The following FEZ2 variants were observed in gnomAD, a reference collection of about 807,000 sequenced individuals.
FEZ2 encodes fasciculation and elongation protein zeta-2.
FEZ2 carries 51 observed loss-of-function variants against 40.4 expected under a neutral mutation model. The observed-to-expected ratio is 1.26, with a 90% CI of 1.01 to 1.59. FEZ2 has a LOEUF of 1.59. FEZ2 is among the 40% of genes most tolerant of loss of function. The pLI is 0.00. For missense variants in FEZ2, 640 were observed against 438.3 expected (o/e 1.46, Z -4.11); for synonymous variants, 242 against 172.0 (o/e 1.41, Z -3.18).
chr2:36,584,898 C>G (rs570987032), intron 2 of FEZ2, among the ~76,000 whole-genome samples: 5 of 152,180 alleles, frequency 3.3e-5, no homozygotes, highest in Admixed American at 1.3e-4. Flanking sequence ...CAACATTAGG[C>G]TGGGAGAAGG....
chr2:36,593,544 G>C (rs1458830225), intron 1 of FEZ2, among the ~76,000 whole-genome samples: 2 of 152,072 alleles, frequency 1.3e-5, no homozygotes, highest in Non-Finnish European at 2.9e-5. Context: ...CCAAGGCTTG[G>C]GGCTTGCACC....
chr2:36,567,499 C>T (rs1668279593), intron 5 of FEZ2, among the ~76,000 whole-genome samples: 2 of 152,062 alleles, frequency 1.3e-5, no homozygotes, highest in African/African-American at 2.4e-5. Flanking sequence ...CGGAGGCTCA[C>T]GCCTGTAATC....
intron 4 of FEZ2, among the ~76,000 whole-genome samples, chr2:36,580,015 G>A (rs574807607): frequency 2.0e-5 from 3 of 152,208 alleles, no homozygotes. Context: ...AAGACATAGG[G>A]AAAAGGCAGC....
intron 3 of FEZ2, among the ~76,000 whole-genome samples, chr2:36,583,042 G>A (rs1483440298): frequency 2.6e-5 from 4 of 152,134 alleles, no homozygotes; most frequent in Non-Finnish European, 4.4e-5. Context: ...CCGTGTTTGG[G>A]TAAATCTAAA....
intron 5 of FEZ2, among the ~76,000 whole-genome samples, chr2:36,565,892 C>T (rs957772569): frequency 6.6e-6 from 1 of 152,158 alleles, no homozygotes; most frequent in Non-Finnish European, 1.5e-5. Flanking sequence ...CCCCACCCTG[C>T]CCAGTTGTGA....
rs369557275 is a variant in FEZ2 at position 36,596,419 on chromosome 2, G to C, written c.266+1458C>G. Reference sequence around the variant, plus strand: ...AAAAATTCTTCCCTAACCTCTAAGAGTCTCTCCATCCCATCAATGCTCTGA... The same window carrying C: ...AAAAATTCTTCCCTAACCTCTAAGACTCTCTCCATCCCATCAATGCTCTGA... On this transcript the variant is annotated intron_variant, in intron 1 of 7. Transcript: ENST00000405912. Among the ~76,000 whole-genome samples, 16 of 152,252 alleles carry C rather than the reference G, an allele frequency of 1.1e-4. No homozygotes were observed. The South Asian group carries it at 3.3e-3, about 32-fold the overall frequency.
At chr2:36,567,687 G>A (rs933394049) in intron 5 of FEZ2, among the ~76,000 whole-genome samples, 5 of 151,930 alleles carry the variant, frequency 3.3e-5, no homozygotes, top group Admixed American at 6.5e-5. Context: ...ACTTGAACCC[G>A]GGAGGCGGAG....
At chr2:36,578,367 C>T (rs1668635576) in intron 5 of FEZ2, among the ~76,000 whole-genome samples, 1 of 152,220 alleles carries the variant, frequency 6.6e-6, no homozygotes, top group Non-Finnish European at 1.5e-5. Context: ...TACATCCTTG[C>T]TAAACATTTC....
chr2:36,581,132 A>C (rs1668729360), intron 4 of FEZ2, among the ~76,000 whole-genome samples, 158 bp downstream of exon 4: 1 of 151,660 alleles, frequency 6.6e-6, no homozygotes, highest in Admixed American at 6.6e-5. Flanking sequence ...TTGGGCCAAA[A>C]AGTGAAATCC....
intron 2 of FEZ2, among the ~76,000 whole-genome samples, chr2:36,589,212 A>G (rs969614540): frequency 1.3e-5 from 2 of 152,224 alleles, no homozygotes; most frequent in Admixed American, 6.5e-5. Context: ...GAAACATATG[A>G]TTAACAAGAG....
At chr2:36,575,350 A>G (rs910459480) in intron 5 of FEZ2, among the ~76,000 whole-genome samples, 3 of 151,692 alleles carry the variant, frequency 2.0e-5, no homozygotes, top group African/African-American at 7.3e-5. Flanking sequence ...ACACCTGGCT[A>G]ATTTTATAAT....
intron 1 of FEZ2, among the ~76,000 whole-genome samples, chr2:36,593,529 A>G (rs1030256834): frequency 6.6e-6 from 1 of 152,096 alleles, no homozygotes; most frequent in African/African-American, 2.4e-5. Flanking sequence ...ACCACATGGA[A>G]GCTGCCAAGG....
rs1668811496 is a variant in FEZ2, at chr2:36,583,435, T to A, written c.410A>T (p.Asp137Val). The A allele has an allele frequency of 1.0e-5, 16 of 1,605,904 alleles. No individual in the cohort carries two copies. Among genetic ancestry groups the A allele is most frequent in the Non-Finnish European group, 1.2e-5 (14 of 1,172,598 alleles). ...SDSLLFDTSD[D>V]EELREQLDMH... ...ATCCAGCTGTTCTCTCAGCTCTTCA[T>A]CATCTGATGTATCAAAGAGCAAACT... is the stretch of plus-strand genomic sequence containing the variant. Residue 137 changes from aspartate to valine, a missense_variant, in exon 3 of 8, where the codon GAT becomes GTT. By Grantham distance (152) the Asp-to-Val change is radical. Transcript: ENST00000405912.
Position 36,598,027 on chromosome 2 carries a change from T to G in FEZ2, c.116A>C (p.Glu39Ala). ...GAAACCGTCGGCGCCCCCACCCGCC[T>G]CGGCCCCCGCCTCCGCCCCAGGCTC... ...SPEPGAEAGA[E>A]AGGGADGFPA... The change falls in exon 1 of 8, where the codon GAG (glutamate) becomes GCG (alanine). Residue 39 changes from glutamate to alanine, a missense_variant. Physicochemically the swap from Glu to Ala is moderately radical, Grantham distance 107. Transcript: ENST00000405912. 6.7e-7 allele frequency: 1 copy of G among 1,484,644 alleles called. No homozygotes were observed. 92.0% of individuals were successfully genotyped at this position (1,484,644 alleles called of 1,614,324 possible).
At chr2:36,584,824 C>G (rs1459996431) in intron 2 of FEZ2, among the ~76,000 whole-genome samples, 1 of 152,154 alleles carries the variant, frequency 6.6e-6, no homozygotes, top group Admixed American at 6.5e-5. Flanking sequence ...TGAACACAGC[C>G]TACAGAGTAA....
chr2:36,553,135 G>A lies in FEZ2; in HGVS notation c.*28C>T. On this transcript the variant is annotated 3_prime_UTR_variant, in exon 8 of 8. Coordinates refer to ENST00000405912, the MANE Select transcript of FEZ2 (RefSeq NM_005102.3). ...AATAATGCTGTCGGAAATCTAGCTT[G>A]GAGCCCACCGCAGATAAAGTTGCTG... The A allele has an allele frequency of 6.4e-7, 1 of 1,559,068 alleles. No individual in the cohort carries two copies. Among genetic ancestry groups the A allele is most frequent in the African/African-American group, 1.4e-5 (1 of 73,730 alleles).
chr2:36,560,390 G>C (rs978119598), intron 5 of FEZ2, among the ~76,000 whole-genome samples: 1 of 152,064 alleles, frequency 6.6e-6, no homozygotes, highest in African/African-American at 2.4e-5. Context: ...CCGACATCTG[G>C]CCTTCTTCCC....
chr2:36,558,441 T>C lies in FEZ2; in HGVS notation c.976A>G (p.Lys326Glu). The change falls in exon 6 of 8, where the codon AAA becomes GAA. Residue 326 changes from lysine to glutamate, a missense_variant. Lys to Glu is a moderately conservative substitution (Grantham distance 56, BLOSUM62 1). Coordinates refer to ENST00000405912, the MANE Select transcript of FEZ2 (RefSeq NM_005102.3). ...PSVEDLQILT[K>E]ILRAMKEDSE... ...GTTTCATTTTGTCTTTGCTCACTTT[T>C]TGTTAATATTTGAAGATCTTCAACA... The C allele has an allele frequency of 6.6e-7, 1 of 1,519,186 alleles. No individual in the cohort carries two copies. 94.1% of individuals were successfully genotyped at this position (1,519,186 alleles called of 1,614,324 possible).
intron 1 of FEZ2, 26 bp downstream of exon 1, chr2:36,597,851 A>G: frequency 1.5e-6 from 2 of 1,327,960 alleles, no homozygotes; most frequent in Non-Finnish European, 1.9e-6. Context: ...GCTCCCGCCC[A>G]CTCCCGGCCG....
Sources: gnomAD v4.1 joint callset for allele counts (sites outside exome capture counted in the v4.1 genomes callset) on GRCh38, gnomAD v4.1.1 for gene constraint, MANE v1.5 for transcripts, NCBI Gene and HGNC (gene_info 2026-07-23, HGNC 2026-07-21) for gene names.